The following OTUD7A variants were observed in gnomAD, a reference collection of about 807,000 sequenced individuals.
The protein encoded by OTUD7A is OTU domain-containing protein 7A.
OTUD7A carries 12 observed loss-of-function variants against 65.7 expected under a neutral mutation model. That is an observed-to-expected ratio of 0.18 (90% CI 0.12 to 0.30). The LOEUF (loss-of-function observed/expected upper bound fraction) is 0.30. Among genes scored for constraint, OTUD7A ranks in the 10% least tolerant of loss-of-function variants. The pLI is 1.00. For synonymous variants in OTUD7A, 641 were observed against 586.3 expected (o/e 1.09, Z -1.35); for missense variants, 1,148 against 1,304.8 (o/e 0.88, Z 1.85).
rs567216001 is a variant in OTUD7A, at chr15:31,729,238, G to A, written c.-99-72161C>T. Among the ~76,000 whole-genome samples the A allele has an allele frequency of 1.2e-4, 19 of 152,324 alleles. 1 individual carries two copies. In the East Asian group the frequency reaches 1.7e-3, roughly 14 times the overall value. On this transcript the variant is annotated intron_variant, in intron 1 of 12. Coordinates refer to ENST00000307050, the MANE Select transcript of OTUD7A (RefSeq NM_001382637.1). The stretch of plus-strand genomic sequence containing the variant: ...TGGGGTTTCGGAATGTATTCTCCAC[G>A]TATGGGGGTGTTAAGGGGTTACTGT...
chr15:31,517,151 A>C (rs559712008), intron 8 of OTUD7A, among the ~76,000 whole-genome samples: 2 of 152,352 alleles, frequency 1.3e-5, no homozygotes, highest in Admixed American at 6.5e-5. Context: ...GACACCTGCC[A>C]GGTAAGAGAA....
At chr15:31,651,124 C>A (rs1891822183) in intron 3 of OTUD7A, among the ~76,000 whole-genome samples, 1 of 135,684 alleles carries the variant, frequency 7.4e-6, no homozygotes. Context: ...TCATCTGAGT[C>A]CCAGAAGGAA....
intron 1 of OTUD7A, among the ~76,000 whole-genome samples, chr15:31,862,311 C>T (rs1223068344): frequency 6.6e-6 from 1 of 152,212 alleles, no homozygotes; most frequent in East Asian, 1.9e-4. Flanking sequence ...ACCTGAGATA[C>T]AGGAGACATA....
intron 1 of OTUD7A, among the ~76,000 whole-genome samples, chr15:31,842,573 G>C (rs1161515950): frequency 2.0e-5 from 3 of 152,168 alleles, no homozygotes; most frequent in East Asian, 1.9e-4. Flanking sequence ...GGGCTGGTGG[G>C]GGACAGAGAG....
intron 8 of OTUD7A, among the ~76,000 whole-genome samples, chr15:31,515,097 G>T (rs1308784121): frequency 1.3e-5 from 2 of 152,156 alleles, no homozygotes; most frequent in Non-Finnish European, 2.9e-5. Context: ...CAGGGGGAGA[G>T]AATATGGAGT....
intron 3 of OTUD7A, among the ~76,000 whole-genome samples, chr15:31,595,758 T>C (rs1191369344): frequency 2.0e-5 from 3 of 152,198 alleles, no homozygotes; most frequent in Non-Finnish European, 2.9e-5. Context: ...TGAAAGAGAA[T>C]TGGCTTCCAG....
chr15:31,731,943 C>T (rs1031566429), intron 1 of OTUD7A, among the ~76,000 whole-genome samples: 2 of 152,108 alleles, frequency 1.3e-5, no homozygotes, highest in African/African-American at 2.4e-5. Context: ...CATAAACAGA[C>T]ATTTCCCTTT....
chr15:31,584,235 T>G (rs1889459658), intron 3 of OTUD7A, among the ~76,000 whole-genome samples: 1 of 152,170 alleles, frequency 6.6e-6, no homozygotes, highest in South Asian at 2.1e-4. Flanking sequence ...GAGGCATTGA[T>G]CCAAAGAGCC....
chr15:31,492,099 T>A (rs544695362), intron 10 of OTUD7A, among the ~76,000 whole-genome samples: 2,262 of 152,392 alleles, frequency 0.015, 17 homozygotes, highest in Non-Finnish European at 0.024. Flanking sequence ...TTCATTTTTT[T>A]CTTCTTTTTA....
chr15:31,806,525 C>T (rs1896273971), intron 1 of OTUD7A, among the ~76,000 whole-genome samples: 1 of 152,168 alleles, frequency 6.6e-6, no homozygotes, highest in Non-Finnish European at 1.5e-5. Flanking sequence ...ACTTAAACCC[C>T]ATCCTTCCAT....
At chr15:31,783,473 T>C (rs912631233) in intron 1 of OTUD7A, among the ~76,000 whole-genome samples, 1 of 152,226 alleles carries the variant, frequency 6.6e-6, no homozygotes, top group African/African-American at 2.4e-5. Context: ...GCAACCACTG[T>C]GCCAGTAGTC....
intron 3 of OTUD7A, among the ~76,000 whole-genome samples, chr15:31,592,796 C>T (rs933798567): frequency 2.9e-4 from 42 of 142,602 alleles, no homozygotes; most frequent in African/African-American, 9.2e-4. Context: ...AGGAGAATGG[C>T]GTGAACCCAG....
chr15:31,634,083 A>G (rs1891262950), intron 3 of OTUD7A, among the ~76,000 whole-genome samples: 1 of 152,196 alleles, frequency 6.6e-6, no homozygotes, highest in African/African-American at 2.4e-5. Context: ...AAGGGTGTCT[A>G]AGAGGGTAAA....
Position 31,685,273 on chromosome 15 carries a change from C to T in OTUD7A, c.-99-28196G>A, listed in dbSNP as rs189849534. 2.0e-4 allele frequency among the ~76,000 whole-genome samples: 30 copies of T among 152,312 alleles called. 1 individual carries two copies. Among genetic ancestry groups the T allele is most frequent in the Admixed American group, 1.8e-3 (28 of 15,300 alleles). On this transcript the variant is annotated intron_variant, in intron 1 of 12. Coordinates refer to ENST00000307050, the MANE Select transcript of OTUD7A (RefSeq NM_001382637.1). Reference sequence around the variant, plus strand: ...GTAAACAAGTTAACTCCAAATTTGGCATTTTTTTCATTGCTTTGTAGAGGT... The same window carrying T: ...GTAAACAAGTTAACTCCAAATTTGGTATTTTTTTCATTGCTTTGTAGAGGT...
chr15:31,518,102 C>G (rs1171695488), intron 8 of OTUD7A, among the ~76,000 whole-genome samples: 1 of 152,102 alleles, frequency 6.6e-6, no homozygotes, highest in Non-Finnish European at 1.5e-5. Flanking sequence ...CCCAAATGAA[C>G]CAGTTTGGAT....
rs1204926546 is a variant in OTUD7A, at chr15:31,483,815, C to A, written c.2281G>T (p.Ala761Ser). Residue 761 changes from alanine (A) to serine (S), a missense_variant, in exon 13 of 13, where the codon GCC becomes TCC. Around this residue, in one of 6 missense-constraint regions of OTUD7A, gnomAD observed 842 missense variants for 769.5 expected, o/e 1.09. Coordinates refer to ENST00000307050, the MANE Select transcript of OTUD7A (RefSeq NM_001382637.1). ...CTGCGGCCAGGCACTGGTCCGCTGG[C>A]GCTCGCACGCCGCGCGCCTCCCCCC... is the stretch of plus-strand genomic sequence containing the variant. ...SPGGGARRASASGPVPGRSPP... is the reference protein window; with the variant it reads ...SPGGGARRASSSGPVPGRSPP... The A allele has an allele frequency of 4.0e-6, 4 of 999,370 alleles. No individual in the cohort carries two copies. Among genetic ancestry groups the A allele is most frequent in the Non-Finnish European group, 4.8e-6 (4 of 840,726 alleles). The allele number at this position is 999,370 out of a possible 1,614,324, so 61.9% of individuals were successfully genotyped here.
chr15:31,633,235 C>A (rs1458811855), intron 3 of OTUD7A, among the ~76,000 whole-genome samples: 1 of 152,096 alleles, frequency 6.6e-6, no homozygotes, highest in Non-Finnish European at 1.5e-5. Context: ...AGCTGTAGAC[C>A]AGAGCTGTTC....
At chr15:31,832,205 G>C (rs1029052744) in intron 1 of OTUD7A, among the ~76,000 whole-genome samples, 1 of 152,182 alleles carries the variant, frequency 6.6e-6, no homozygotes, top group Non-Finnish European at 1.5e-5. Context: ...TGCCTCCTCC[G>C]CTGGGGCTCT....
chr15:31,798,551 G>A (rs1896034297), intron 1 of OTUD7A, among the ~76,000 whole-genome samples: 1 of 152,218 alleles, frequency 6.6e-6, no homozygotes, highest in Admixed American at 6.5e-5. Flanking sequence ...GGAGGGAAGT[G>A]GAGTGCATGG....
Sources: allele counts gnomAD v4.1 joint callset (sites outside exome capture counted in the v4.1 genomes callset), GRCh38; gene constraint gnomAD v4.1.1; regional missense constraint gnomAD v4.1.1; transcripts MANE v1.5; gene names NCBI Gene and HGNC (gene_info 2026-07-23, HGNC 2026-07-21).